ARIH2: variants seen among roughly 807,000 people sequenced by gnomAD.
ARIH2 encodes the protein ariadne RBR E3 ubiquitin protein ligase 2.
A neutral mutation model predicts 79.8 loss-of-function variants in ARIH2; 12 were observed. The observed-to-expected ratio is 0.15, with a 90% CI of 0.10 to 0.24. ARIH2 has a LOEUF of 0.24. Ranked by LOEUF, ARIH2 falls within the 10% of genes least tolerant of loss-of-function variation. ARIH2 has a pLI of 1.00. For missense variants in ARIH2, 301 were observed against 618.3 expected (o/e 0.49, Z 5.44); for synonymous variants, 224 against 213.9 (o/e 1.05, Z -0.41).
chr3:48,961,716 T>C lies in ARIH2; in HGVS notation c.323+37T>C, dbSNP rs1346703849. On this transcript the variant is annotated intron_variant, in intron 4 of 15. Coordinates refer to ENST00000356401, the MANE Select transcript of ARIH2 (RefSeq NM_006321.4). ...GGGGGAGGAGAGAGAACATTGCCCA[T>C]AGCTCCCCTCTCCGTGGTGATTATT... 6 of 1,319,292 alleles carry C rather than the reference T, an allele frequency of 4.5e-6. No homozygotes were observed. The Admixed American group carries it at 8.4e-5, about 19-fold the overall frequency. The allele number at this position is 1,319,292 out of a possible 1,614,324, so 81.7% of individuals were successfully genotyped here.
chr3:48,936,804 C>T (rs368138897), intron 3 of ARIH2, among the ~76,000 whole-genome samples: 3 of 151,580 alleles, frequency 2.0e-5, no homozygotes, highest in Non-Finnish European at 4.4e-5. Context: ...CCAAGGCGGG[C>T]GGATCACGAG....
At chr3:48,966,562 A>T (rs1460214502) in intron 5 of ARIH2, among the ~76,000 whole-genome samples, 1 of 152,170 alleles carries the variant, frequency 6.6e-6, no homozygotes, top group Non-Finnish European at 1.5e-5. Context: ...TGTATTAAGG[A>T]TGAGTTGTAA....
intron 1 of ARIH2, chr3:48,919,443 C>A: frequency 3.4e-6 from 1 of 293,518 alleles, no homozygotes. Context: ...CCGCGGCGCC[C>A]CTAGGGATGT....
At chr3:48,968,735 A>C in intron 7 of ARIH2, 80 bp downstream of exon 7, 1 of 1,540,212 alleles carries the variant, frequency 6.5e-7, no homozygotes, top group Non-Finnish European at 8.8e-7. Flanking sequence ...CTTACTTTGT[A>C]GACTAGGCTG....
intron 3 of ARIH2, among the ~76,000 whole-genome samples, chr3:48,933,284 G>GA (rs1215980369): frequency 8.9e-6 from 1 of 111,986 alleles, no homozygotes; most frequent in Non-Finnish European, 1.9e-5. Context: ...GTGTGTGTGT[G>GA]TGTGATCACA....
In ARIH2 at chr3:48,982,919, G is replaced by A. The variant is rs1409696155; in HGVS notation, c.1350G>A (p.Leu450=). The A allele has an allele frequency of 5.6e-6, 9 of 1,614,038 alleles. No individual in the cohort carries two copies. Among genetic ancestry groups the A allele is most frequent in the Non-Finnish European group, 7.6e-6 (9 of 1,179,982 alleles). ...KKLFEYQQAQ[L]EAEIENLSWK... ...AGTTTGAATACCAGCAGGCTCAGCT[G>A]GAGGCTGAGATCGAAAACCTCTCAT... is the stretch of plus-strand genomic sequence containing the variant. Residue 450 remains leucine (L), a synonymous_variant, in exon 15 of 16, where the codon CTG becomes CTA. Coordinates refer to ENST00000356401, the MANE Select transcript of ARIH2 (RefSeq NM_006321.4).
At chr3:48,922,674 C>CT (rs920524891) in intron 1 of ARIH2, 74 bp from the exon 2 acceptor site, 1 of 151,436 alleles carries the variant, frequency 6.6e-6, no homozygotes, top group African/African-American at 2.4e-5. Context: ...AATACCTTTG[C>CT]TTTAAAAAAA....
At chr3:48,919,020 C>T (rs2084317597) in intron 1 of ARIH2, 22 bp downstream of exon 1, 1 of 1,422,366 alleles carries the variant, frequency 7.0e-7, no homozygotes. Flanking sequence ...GCGCACGTCA[C>T]GGCCTTGTTT....
chr3:48,974,550 T>G (rs1032023184), intron 9 of ARIH2: 5 of 536,688 alleles, frequency 9.3e-6, no homozygotes, highest in Non-Finnish European at 1.7e-5. Flanking sequence ...TTGTGCTTAA[T>G]CTGAGTAGCT....
intron 3 of ARIH2, chr3:48,944,991 A>T: frequency 1.8e-6 from 1 of 552,772 alleles, no homozygotes; most frequent in South Asian, 1.7e-5. Context: ...GTGAGTGACC[A>T]CTAGTGTTTG....
At chr3:48,982,778 A>G in intron 14 of ARIH2, 118 bp from the exon 15 acceptor site, 6 of 742,420 alleles carry the variant, frequency 8.1e-6, no homozygotes, top group South Asian at 7.7e-5. Context: ...TGAGGACAGT[A>G]TCAGGATTGT....
In ARIH2 at chr3:48,931,502, T is replaced by C. The variant is rs1007569637; in HGVS notation, c.255+3689T>C. On this transcript the variant is annotated intron_variant, in intron 3 of 15. Transcript: ENST00000356401. ...GGGCAGAGGTTGCAGTGAGATGAGA[T>C]CGCACCACTGCACTCCAGCCTGGGC... Among the ~76,000 whole-genome samples, 26 of 150,968 alleles carry C rather than the reference T, an allele frequency of 1.7e-4. No individual in the cohort carries two copies. In the South Asian group the frequency reaches 2.7e-3, roughly 16 times the overall value.
intron 1 of ARIH2, chr3:48,922,472 A>G (rs990956570): frequency 6.6e-6 from 1 of 152,130 alleles, no homozygotes; most frequent in Non-Finnish European, 1.5e-5. Context: ...ACCTCAGGTG[A>G]TCCACCTGCC....
At chr3:48,930,999 A>G (rs1283143269) in intron 3 of ARIH2, among the ~76,000 whole-genome samples, 1 of 152,158 alleles carries the variant, frequency 6.6e-6, no homozygotes, top group Non-Finnish European at 1.5e-5. Flanking sequence ...GTGTCCAGGC[A>G]GTTGCATGTG....
At chr3:48,968,308 C>T (rs1226274814) in intron 6 of ARIH2, 4 of 337,480 alleles carry the variant, frequency 1.2e-5, no homozygotes, top group Admixed American at 3.9e-5. Flanking sequence ...CCCGGGTTCA[C>T]GCCATTCTCC....
chr3:48,934,528 C>A (rs2086850969), intron 3 of ARIH2: 2 of 985,210 alleles, frequency 2.0e-6, no homozygotes, highest in Non-Finnish European at 1.2e-6. Flanking sequence ...CCTCTGATTT[C>A]TATTTTTGTG....
intron 14 of ARIH2, 47 bp from the exon 15 acceptor site, chr3:48,982,835 TACAGGCCCTGCCCC>T: frequency 7.6e-7 from 1 of 1,315,464 alleles, no homozygotes; most frequent in South Asian, 1.2e-5. Context: ...CACCCCCGTG[TACAGGCCCTGCCCC>T]AGCCACAGCC....
rs1433477598 is a variant in ARIH2, at chr3:48,974,993, T to C, written c.961+14T>C. 9 of 1,614,230 alleles carry C rather than the reference T, an allele frequency of 5.6e-6. No individual in the cohort carries two copies. The highest frequency in any genetic ancestry group is 7.6e-6 in the Non-Finnish European group (9 of 1,180,038). On this transcript the variant is annotated intron_variant, in intron 11 of 15. Coordinates refer to ENST00000356401, the MANE Select transcript of ARIH2 (RefSeq NM_006321.4). ...AATGTAAACACGGTGAGTTCCAAGC[T>C]TGGTGTGTAAGGCCCAGTGGCACTT...
intron 1 of ARIH2, 90 bp downstream of exon 1, chr3:48,919,088 C>T: frequency 7.9e-7 from 1 of 1,271,264 alleles, no homozygotes; most frequent in Non-Finnish European, 9.9e-7. Context: ...GGCCGGGACT[C>T]CGCCTTCGCC....
Sources: gnomAD v4.1 joint callset for allele counts (sites outside exome capture counted in the v4.1 genomes callset) on GRCh38, gnomAD v4.1.1 for gene constraint, MANE v1.5 for transcripts, NCBI Gene and HGNC (gene_info 2026-07-23, HGNC 2026-07-21) for gene names.